CRTAP: variants seen among roughly 807,000 people sequenced by gnomAD.
CRTAP encodes cartilage associated protein, also known as cartilage-associated protein.
CRTAP carries 33 observed loss-of-function variants against 42.7 expected under a neutral mutation model. That is an observed-to-expected ratio of 0.77 (90% CI 0.59 to 1.03). The LOEUF (loss-of-function observed/expected upper bound fraction) is 1.03, where lower values mean the gene tolerates loss of function less well. Among genes scored for constraint, CRTAP ranks in the 50% least tolerant of loss-of-function variants. CRTAP has a pLI of 0.00. For synonymous variants in CRTAP, 243 were observed against 217.7 expected, an observed-to-expected ratio of 1.12 and a Z score of -1.02; for missense variants, 613 against 533.9, an observed-to-expected ratio of 1.15 and a Z score of -1.46.
Position 33,144,352 on chromosome 3 carries a change from C to G in CRTAP, c.*1904C>G, listed in dbSNP as rs2030665451. ...CTGTCTGTGGTTGGAATGGGAGGTTCTGGCTGCAAATCAAAGTGGAGAGTT... is the reference window on the plus strand; with the variant it reads ...CTGTCTGTGGTTGGAATGGGAGGTTGTGGCTGCAAATCAAAGTGGAGAGTT... On this transcript the variant is annotated 3_prime_UTR_variant, in exon 7 of 7. Coordinates refer to ENST00000320954, the MANE Select transcript of CRTAP (RefSeq NM_006371.5). 1 of 152,242 alleles carries G rather than the reference C, an allele frequency of 6.6e-6. No individual in the cohort carries two copies. Among genetic ancestry groups the G allele is most frequent in the Non-Finnish European group, 1.5e-5 (1 of 68,068 alleles). 9.4% of individuals were successfully genotyped at this position (152,242 alleles called of 1,614,324 possible).
intron 2 of CRTAP, among the ~76,000 whole-genome samples, chr3:33,121,624 C>T (rs906672017): frequency 2.0e-5 from 3 of 152,000 alleles, no homozygotes; most frequent in Non-Finnish European, 2.9e-5. Flanking sequence ...TGGTGGGGTG[C>T]GCATACTCCT....
intron 2 of CRTAP, among the ~76,000 whole-genome samples, chr3:33,123,750 C>T (rs997190910): frequency 2.6e-5 from 4 of 151,400 alleles, no homozygotes; most frequent in Non-Finnish European, 5.9e-5. Flanking sequence ...GTGCCTCAGC[C>T]TCGTGAGTAG....
chr3:33,121,699 C>T (rs2029881531), intron 2 of CRTAP, among the ~76,000 whole-genome samples: 1 of 152,144 alleles, frequency 6.6e-6, no homozygotes, highest in Admixed American at 6.5e-5. Context: ...AGGAATACTT[C>T]ACCTGCTTCC....
chr3:33,114,062 C>T lies in CRTAP; in HGVS notation c.-16C>T. ...CCCTTCCTTCGTCCCTTCCTTCCTT[C>T]CTTTCGCCGGGCGCGATGGAGCCGG... On this transcript the variant is annotated 5_prime_UTR_variant, in exon 1 of 7. Coordinates refer to ENST00000320954, the MANE Select transcript of CRTAP (RefSeq NM_006371.5). 11 of 1,455,098 alleles carry T rather than the reference C, an allele frequency of 7.6e-6. No individual in the cohort carries two copies. Among genetic ancestry groups the T allele is most frequent in the Non-Finnish European group, 9.9e-6 (11 of 1,108,742 alleles). 90.1% of individuals were successfully genotyped at this position (1,455,098 alleles called of 1,614,324 possible).
At chr3:33,140,102 GAAC>G (rs2030534102) in intron 6 of CRTAP, among the ~76,000 whole-genome samples, 1 of 152,128 alleles carries the variant, frequency 6.6e-6, no homozygotes. Flanking sequence ...TGATGTACAA[GAAC>G]AACATATATA....
chr3:33,128,869 T>C (rs1481322952), intron 3 of CRTAP, among the ~76,000 whole-genome samples: 1 of 152,186 alleles, frequency 6.6e-6, no homozygotes, highest in Non-Finnish European at 1.5e-5. Flanking sequence ...TGGGAGATTT[T>C]AGGGATTAGG....
intron 6 of CRTAP, among the ~76,000 whole-genome samples, chr3:33,138,096 T>G (rs951271969): frequency 1.3e-5 from 2 of 151,368 alleles, no homozygotes; most frequent in African/African-American, 4.9e-5. Context: ...TTCATTAATA[T>G]AGCTTTTTTT....
At chr3:33,123,129 A>G (rs1004607851) in intron 2 of CRTAP, among the ~76,000 whole-genome samples, 3 of 151,928 alleles carry the variant, frequency 2.0e-5, no homozygotes, top group Admixed American at 1.3e-4. Context: ...CAATTAGCAG[A>G]AAGTCCTTGA....
At position 33,129,919 on chromosome 3, in the gene CRTAP, A is replaced by G. The variant is rs1311739904; in HGVS notation, c.794-20A>G. ...AAGTAATGGATCCACTGCTCTGAAA[A>G]TTTATATGTTTTGTTTCAGATCATT... On this transcript the variant is annotated intron_variant, in intron 3 of 6. Coordinates refer to ENST00000320954, the MANE Select transcript of CRTAP (RefSeq NM_006371.5). 2 of 1,610,306 alleles carry G rather than the reference A, an allele frequency of 1.2e-6. No homozygotes were observed. The highest frequency in any genetic ancestry group is 1.7e-4 in the Middle Eastern group (1 of 6,054).
intron 6 of CRTAP, among the ~76,000 whole-genome samples, chr3:33,136,145 T>C (rs1212330537): frequency 1.3e-5 from 2 of 152,208 alleles, no homozygotes; most frequent in Non-Finnish European, 2.9e-5. Flanking sequence ...TAAATGGAAA[T>C]ATAGGGTATG....
At chr3:33,137,970 G>T (rs2030470459) in intron 6 of CRTAP, among the ~76,000 whole-genome samples, 1 of 152,144 alleles carries the variant, frequency 6.6e-6, no homozygotes, top group African/African-American at 2.4e-5. Context: ...CCATTGAATT[G>T]TCTTGGTACC....
rs753670727 is a variant in CRTAP at position 33,114,512 on chromosome 3, C to G, written c.435C>G (p.Arg145=). The G allele has an allele frequency of 6.2e-7, 1 of 1,603,816 alleles. No individual in the cohort carries two copies. The highest frequency in any genetic ancestry group is 8.5e-7 in the Non-Finnish European group (1 of 1,177,026). Reference sequence around the variant, plus strand: ...AGGTGCTGGCGGACTTCCAGCGCCGCGAGCCCTACAAGTTCCTGCAGTTCG... The same window carrying G: ...AGGTGCTGGCGGACTTCCAGCGCCGGGAGCCCTACAAGTTCCTGCAGTTCG... ...SREVLADFQR[R]EPYKFLQFAY... Residue 145 remains arginine (R), a synonymous_variant, in exon 1 of 7, where the codon CGC becomes CGG. Transcript: ENST00000320954.
intron 2 of CRTAP, among the ~76,000 whole-genome samples, chr3:33,123,769 A>G (rs1047096518): frequency 6.6e-6 from 1 of 151,724 alleles, no homozygotes; most frequent in Non-Finnish European, 1.5e-5. Flanking sequence ...AGCTGGGACT[A>G]CAAGCATGTG....
chr3:33,117,894 G>A (rs1575513945), intron 1 of CRTAP, among the ~76,000 whole-genome samples: 2 of 152,224 alleles, frequency 1.3e-5, no homozygotes, highest in Admixed American at 6.5e-5. Context: ...ATTCCGTTTT[G>A]TAAAACATCC....
chr3:33,119,218 A>G (rs1242740533), intron 1 of CRTAP, among the ~76,000 whole-genome samples: 9 of 152,234 alleles, frequency 5.9e-5, no homozygotes, highest in African/African-American at 2.2e-4. Flanking sequence ...ATTATATTTT[A>G]TGGTCATAAT....
rs1575521348 is a variant in CRTAP at position 33,142,842 on chromosome 3, CG to C, written c.*398del. ...GCTAATTTTGTATTTTTAGTAGAGA[CG>C]GGGTTTTGCCATGTTGGCCAGGCTG... On this transcript the variant is annotated 3_prime_UTR_variant, in exon 7 of 7. Transcript: ENST00000320954. The C allele has an allele frequency of 1.8e-5, 4 of 227,104 alleles. No individual in the cohort carries two copies. The East Asian group carries it at 4.0e-4, about 23-fold the overall frequency. The allele number at this position is 227,104 out of a possible 1,614,324, so 14.1% of individuals were successfully genotyped here. A position where few individuals can be genotyped will look rare whatever the true frequency, so the allele number is the denominator to read the frequency against.
chr3:33,124,616 A>G (rs1559433967), intron 3 of CRTAP, 37 bp downstream of exon 3: 2 of 1,611,982 alleles, frequency 1.2e-6, no homozygotes, highest in African/African-American at 1.3e-5. Flanking sequence ...ACTCCCATGG[A>G]ATAGTCTTCC....
At chr3:33,121,117 A>G (rs1353452796) in intron 2 of CRTAP, among the ~76,000 whole-genome samples, 2 of 152,142 alleles carry the variant, frequency 1.3e-5, no homozygotes, top group Non-Finnish European at 2.9e-5. Context: ...ATTGTTGAAA[A>G]TGGGAATTTG....
intron 2 of CRTAP, among the ~76,000 whole-genome samples, chr3:33,122,160 C>T (rs1166276789): frequency 6.6e-6 from 1 of 152,086 alleles, no homozygotes; most frequent in African/African-American, 2.4e-5. Context: ...GTGGTCAGTG[C>T]CCTGGGCTTA....
Sources: gnomAD v4.1 joint callset for allele counts (sites outside exome capture counted in the v4.1 genomes callset) on GRCh38, gnomAD v4.1.1 for gene constraint, MANE v1.5 for transcripts, NCBI Gene and HGNC (gene_info 2026-07-23, HGNC 2026-07-21) for gene names.